The following RGSL1 variants were observed in gnomAD, a reference collection of about 807,000 sequenced individuals.
RGSL1 encodes regulator of G protein signaling like 1, also known as regulator of G protein signaling protein-like.
Under a neutral mutation model 124.7 loss-of-function variants are expected in RGSL1, and 97 were observed. The ratio of observed to expected loss-of-function variants is 0.78; its 90% CI spans 0.66 to 0.92. The LOEUF (loss-of-function observed/expected upper bound fraction) is 0.92, where lower values mean the gene tolerates loss of function less well. Among genes scored for constraint, RGSL1 ranks in the 40% least tolerant of loss-of-function variants. The pLI is 0.00. For synonymous variants in RGSL1, 424 were observed against 438.1 expected (o/e 0.97, Z 0.40); for missense variants, 1,233 against 1,288.4 (o/e 0.96, Z 0.66).
At chr1:182,482,745 T>G (rs901728759) in intron 6 of RGSL1, among the ~76,000 whole-genome samples, 5 of 152,250 alleles carry the variant, frequency 3.3e-5, no homozygotes, top group Admixed American at 2.6e-4. Context: ...GAATCACCTT[T>G]TGATCCAGCA....
intron 2 of RGSL1, among the ~76,000 whole-genome samples, chr1:182,455,070 TC>T (rs1652188304): frequency 6.6e-6 from 1 of 152,174 alleles, no homozygotes; most frequent in African/African-American, 2.4e-5. Context: ...ATTCCTGTCC[TC>T]ATGGAATTCC....
chr1:182,529,794 A>T (rs1659028985), intron 11 of RGSL1, among the ~76,000 whole-genome samples: 1 of 152,104 alleles, frequency 6.6e-6, no homozygotes, highest in Admixed American at 6.6e-5. Context: ...CCTATCTTTG[A>T]TTATTTTCAA....
chr1:182,551,314 G>T (rs1177501376), intron 18 of RGSL1, 105 bp downstream of exon 18: 2 of 889,410 alleles, frequency 2.2e-6, no homozygotes, highest in Admixed American at 2.2e-5. Context: ...GAGGGTGTTT[G>T]CTGGAGCCGG....
chr1:182,458,229 C>T, intron 2 of RGSL1, 90 bp from the exon 3 acceptor site: 2 of 882,128 alleles, frequency 2.3e-6, no homozygotes, highest in Admixed American at 5.4e-5. Flanking sequence ...AGCCATGGAA[C>T]CTCCCTTCCT....
At chr1:182,512,837 T>G (rs1657562359) in intron 9 of RGSL1, among the ~76,000 whole-genome samples, 1 of 152,204 alleles carries the variant, frequency 6.6e-6, no homozygotes. Context: ...GGAGTTTGGC[T>G]ACCCCATGGC....
intron 4 of RGSL1, among the ~76,000 whole-genome samples, chr1:182,466,749 A>C (rs79768698): frequency 0.018 from 2,795 of 152,258 alleles, 94 homozygotes; most frequent in African/African-American, 0.064. Flanking sequence ...TGCCAATACA[A>C]CCCAAAACAA....
At chr1:182,509,697 ACGGC>A (rs1657209067) in intron 9 of RGSL1, among the ~76,000 whole-genome samples, 8 of 113,376 alleles carry the variant, frequency 7.1e-5, no homozygotes, top group Non-Finnish European at 1.8e-5. Context: ...CCCGGACGGC[ACGGC>A]TGGCCGGGCG....
chr1:182,458,149 GT>G (rs1458296490), intron 2 of RGSL1, among the ~76,000 whole-genome samples, 169 bp from the exon 3 acceptor site: 1 of 152,198 alleles, frequency 6.6e-6, no homozygotes, highest in Non-Finnish European at 1.5e-5. Flanking sequence ...TTTAGAGCTT[GT>G]TTGCATGTGT....
chr1:182,537,884 A>G (rs1228210861), intron 14 of RGSL1, among the ~76,000 whole-genome samples: 2 of 152,102 alleles, frequency 1.3e-5, no homozygotes, highest in Non-Finnish European at 2.9e-5. Context: ...ACCTCTGCAG[A>G]TTTCCAGGTT....
intron 8 of RGSL1, among the ~76,000 whole-genome samples, chr1:182,489,756 A>G (rs1043656969): frequency 4.6e-5 from 7 of 152,210 alleles, no homozygotes; most frequent in African/African-American, 1.7e-4. Flanking sequence ...TGAGCAATGT[A>G]TTTAACTTCT....
chr1:182,474,969 A>C (rs1214000052), intron 6 of RGSL1, among the ~76,000 whole-genome samples: 3 of 152,116 alleles, frequency 2.0e-5, no homozygotes, highest in African/African-American at 7.2e-5. Context: ...TCATGGAAAA[A>C]ACTGTCATCC....
At chr1:182,559,813 C>A (rs546516373) in intron 21 of RGSL1, among the ~76,000 whole-genome samples, 2 of 152,174 alleles carry the variant, frequency 1.3e-5, no homozygotes, top group African/African-American at 2.4e-5. Context: ...ACTGTGATAC[C>A]TCCTGATTCC....
At chr1:182,467,469 C>G (rs1288747590) in intron 4 of RGSL1, among the ~76,000 whole-genome samples, 1 of 152,102 alleles carries the variant, frequency 6.6e-6, no homozygotes, top group Non-Finnish European at 1.5e-5. Context: ...TGCCACATAT[C>G]TACAACTATC....
chr1:182,515,031 G>C (rs577102005), intron 9 of RGSL1, among the ~76,000 whole-genome samples: 1 of 152,168 alleles, frequency 6.6e-6, no homozygotes, highest in African/African-American at 2.4e-5. Context: ...CAGGGTGTGA[G>C]GGAGAGAGAA....
At chr1:182,451,115 C>T (rs1488092295) in intron 1 of RGSL1, among the ~76,000 whole-genome samples, 1 of 141,796 alleles carries the variant, frequency 7.1e-6, no homozygotes, top group Non-Finnish European at 1.5e-5. Flanking sequence ...CACTGCATTC[C>T]AGCCTGGGTG....
Position 182,488,294 on chromosome 1 carries a change from C to A in RGSL1, c.1441C>A (p.Pro481Thr). The A allele has an allele frequency of 6.4e-7, 1 of 1,552,148 alleles. No individual in the cohort carries two copies. The highest frequency in any genetic ancestry group is 1.2e-5 in the South Asian group (1 of 84,040). ...AQKEICKMLS[P>T]WYDEFLDEED... The stretch of plus-strand genomic sequence containing the variant: ...TGTGTTTGGTTTTCAGATGCTCAGT[C>A]CCTGGTATGATGAGTTTCTAGATGA... Residue 481 changes from proline to threonine, a missense_variant, in exon 7 of 22, where the codon CCC becomes ACC. Pro to Thr is a conservative substitution (Grantham distance 38, BLOSUM62 -1). Transcript: ENST00000294854.
intron 14 of RGSL1, among the ~76,000 whole-genome samples, chr1:182,533,836 A>G (rs1022733259): frequency 6.6e-6 from 1 of 152,234 alleles, no homozygotes; most frequent in Non-Finnish European, 1.5e-5. Context: ...CAGGAGGGCC[A>G]GAGAAAATGT....
chr1:182,503,066 A>T (rs2102155087), intron 9 of RGSL1, among the ~76,000 whole-genome samples: 1 of 152,338 alleles, frequency 6.6e-6, no homozygotes, highest in African/African-American at 2.4e-5. Flanking sequence ...GGGAATGTAA[A>T]TTAGTACAAC....
intron 10 of RGSL1, among the ~76,000 whole-genome samples, chr1:182,523,496 C>T (rs913248878): frequency 6.6e-6 from 1 of 152,130 alleles, no homozygotes; most frequent in African/African-American, 2.4e-5. Flanking sequence ...AGTCACTGGT[C>T]TCCATTATGC....
Sources: allele counts gnomAD v4.1 joint callset (sites outside exome capture counted in the v4.1 genomes callset), GRCh38; gene constraint gnomAD v4.1.1; transcripts MANE v1.5; gene names NCBI Gene and HGNC (gene_info 2026-07-23, HGNC 2026-07-21).